The following SH2D4A variants were observed in gnomAD, a reference collection of about 807,000 sequenced individuals.
SH2D4A encodes the protein SH2 domain-containing protein 4A.
A neutral mutation model predicts 64.7 loss-of-function variants in SH2D4A; 70 were observed. That is an observed-to-expected ratio of 1.08 (90% CI 0.89 to 1.32). The LOEUF (loss-of-function observed/expected upper bound fraction) is 1.32. Ranked by LOEUF, SH2D4A falls within the 40% of genes most tolerant of loss-of-function variation. SH2D4A has a pLI of 0.00. For synonymous variants in SH2D4A, 268 were observed against 200.7 expected (o/e 1.34, Z -2.83); for missense variants, 706 against 540.1 (o/e 1.31, Z -3.04).
At position 19,390,853 on chromosome 8, in the gene SH2D4A, C is replaced by T. The variant is rs1010460900; in HGVS notation, c.1049-2465C>T. Among the ~76,000 whole-genome samples, 3 of 152,142 alleles carry T rather than the reference C, an allele frequency of 2.0e-5. No homozygotes were observed. The East Asian group carries it at 5.8e-4, about 29-fold the overall frequency. On this transcript the variant is annotated intron_variant, in intron 8 of 9. Transcript: ENST00000265807. ...AAAGTTTCAGTTACAGTCACTACGA[C>T]CTCATTTTAAAAGGAATTTGACCTT...
intron 1 of SH2D4A, among the ~76,000 whole-genome samples, chr8:19,316,766 A>G (rs1401658112): frequency 6.6e-6 from 1 of 152,224 alleles, no homozygotes; most frequent in Non-Finnish European, 1.5e-5. Context: ...GTTGTGTATT[A>G]CAGTGAAGCT....
At chr8:19,339,835 G>A (rs1290768993) in intron 4 of SH2D4A, among the ~76,000 whole-genome samples, 1 of 152,068 alleles carries the variant, frequency 6.6e-6, no homozygotes, top group African/African-American at 2.4e-5. Flanking sequence ...TGTATCGACA[G>A]TGAGGAGAGG....
intron 2 of SH2D4A, among the ~76,000 whole-genome samples, chr8:19,330,166 G>A (rs1370373126): frequency 6.6e-6 from 1 of 152,044 alleles, no homozygotes; most frequent in African/African-American, 2.4e-5. Context: ...GAACTACTAC[G>A]AAGGCCTTGA....
intron 7 of SH2D4A, among the ~76,000 whole-genome samples, chr8:19,371,993 A>G (rs757298178): frequency 1.4e-4 from 22 of 152,152 alleles, no homozygotes; most frequent in Non-Finnish European, 1.8e-4. Context: ...GAATTGTTTC[A>G]GAGATCACAC....
intron 6 of SH2D4A, among the ~76,000 whole-genome samples, chr8:19,362,631 T>A (rs2052910550): frequency 6.6e-6 from 1 of 151,938 alleles, no homozygotes; most frequent in African/African-American, 2.4e-5. Flanking sequence ...TCCCAGCTAC[T>A]CAGGAGGCTG....
rs534846113 is a variant in SH2D4A at position 19,385,658 on chromosome 8, T to C, written c.1049-7660T>C. Reference sequence around the variant, plus strand: ...GTCCCACTCCTCCCAACTTCCCTTCTTCTACTCCTGACAGTTTGTCATACA... The same window carrying C: ...GTCCCACTCCTCCCAACTTCCCTTCCTCTACTCCTGACAGTTTGTCATACA... On this transcript the variant is annotated intron_variant, in intron 8 of 9. Transcript: ENST00000265807. Among the ~76,000 whole-genome samples, 3 of 152,292 alleles carry C rather than the reference T, an allele frequency of 2.0e-5. No homozygotes were observed. The East Asian group carries it at 5.8e-4, about 29-fold the overall frequency.
rs759692158 is a variant in SH2D4A at position 19,334,724 on chromosome 8, C to G, written c.380C>G (p.Thr127Arg). ...HSEEFTNSLK[T>R]KSQYHDLQAP... ...GAAGAATTCACCAATAGCTTGAAAACAAAATCACAGTACCATGATCTGCAG... is the reference window on the plus strand; with the variant it reads ...GAAGAATTCACCAATAGCTTGAAAAGAAAATCACAGTACCATGATCTGCAG... The change falls in exon 4 of 10, where the codon ACA becomes AGA. Residue 127 changes from threonine (T) to arginine (R), a missense_variant. Transcript: ENST00000265807. The G allele has an allele frequency of 1.9e-6, 3 of 1,609,330 alleles. No homozygotes were observed. The highest frequency in any genetic ancestry group is 3.4e-5 in the Admixed American group (2 of 58,566).
chr8:19,379,390 G>A (rs2053251858), intron 8 of SH2D4A, among the ~76,000 whole-genome samples: 1 of 152,148 alleles, frequency 6.6e-6, no homozygotes. Flanking sequence ...TTCTATGGAT[G>A]GGCCACAGTT....
intron 4 of SH2D4A, among the ~76,000 whole-genome samples, chr8:19,342,619 G>C (rs1176273216): frequency 6.6e-6 from 1 of 152,158 alleles, no homozygotes; most frequent in Non-Finnish European, 1.5e-5. Context: ...TTCCGAGTGG[G>C]GGGATCCTGT....
At chr8:19,326,125 A>C (rs2052275317) in intron 2 of SH2D4A, among the ~76,000 whole-genome samples, 1 of 152,216 alleles carries the variant, frequency 6.6e-6, no homozygotes. Context: ...CTCATGCAGA[A>C]CGGTTTTGAA....
chr8:19,325,593 C>T (rs1333068677), intron 2 of SH2D4A, among the ~76,000 whole-genome samples: 1 of 152,160 alleles, frequency 6.6e-6, no homozygotes, highest in Non-Finnish European at 1.5e-5. Context: ...CTTCCTTGAG[C>T]CATGGGCTTC....
chr8:19,359,135 C>T (rs775864737), intron 5 of SH2D4A, among the ~76,000 whole-genome samples: 5 of 152,136 alleles, frequency 3.3e-5, no homozygotes, highest in South Asian at 4.1e-4. Flanking sequence ...AAGTTCCTTA[C>T]GTTTTCTAGC....
chr8:19,317,833 C>T (rs1016018565), intron 1 of SH2D4A, among the ~76,000 whole-genome samples: 10 of 152,032 alleles, frequency 6.6e-5, no homozygotes, highest in African/African-American at 2.2e-4. Flanking sequence ...TATTTGAGAG[C>T]ACATGGCAAG....
intron 8 of SH2D4A, among the ~76,000 whole-genome samples, chr8:19,388,674 A>T (rs2053430889): frequency 6.6e-6 from 1 of 152,234 alleles, no homozygotes; most frequent in African/African-American, 2.4e-5. Context: ...ACCTCGTGGC[A>T]CTTCAAAGAA....
chr8:19,362,760 CA>C (rs1018638948), intron 6 of SH2D4A, among the ~76,000 whole-genome samples: 2 of 151,224 alleles, frequency 1.3e-5, no homozygotes, highest in Non-Finnish European at 3.0e-5. Flanking sequence ...CAAAACAAAA[CA>C]AAAAAAACAC....
chr8:19,359,187 G>C (rs1326257092), intron 5 of SH2D4A, among the ~76,000 whole-genome samples: 1 of 152,078 alleles, frequency 6.6e-6, no homozygotes, highest in Non-Finnish European at 1.5e-5. Flanking sequence ...ATATAGATGG[G>C]TAATAGCAGA....
Position 19,319,664 on chromosome 8 carries a change from G to A in SH2D4A, c.117G>A (p.Trp39Ter), listed in dbSNP as rs199901584. 1.5e-4 allele frequency: 237 copies of A among 1,610,688 alleles called. No individual in the cohort carries two copies. The highest frequency in any genetic ancestry group is 1.9e-4 in the Non-Finnish European group (225 of 1,178,880). ...TGAGAGAGGAACAGATCCGACGATG[G>A]AAAGAAAGAGAAGCAGCTATGGAAA... Reference protein sequence around the residue: ...FKMREEQIRRWKEREAAMERK... With the variant: ...FKMREEQIRR Residue 39 changes from tryptophan (W) to a stop codon, truncating the protein, a stop_gained, in exon 2 of 10, where the codon TGG (tryptophan) becomes TGA (stop). Transcript: ENST00000265807. LOFTEE classifies it high-confidence loss of function.
chr8:19,367,037 C>T (rs976532630), intron 7 of SH2D4A, among the ~76,000 whole-genome samples: 1 of 152,132 alleles, frequency 6.6e-6, no homozygotes, highest in Non-Finnish European at 1.5e-5. Context: ...GAGAGTTCTC[C>T]TTTCTCCAGA....
intron 2 of SH2D4A, among the ~76,000 whole-genome samples, chr8:19,325,881 G>A (rs2052270622): frequency 6.6e-6 from 1 of 152,202 alleles, no homozygotes; most frequent in Non-Finnish European, 1.5e-5. Context: ...TGATAGAAAT[G>A]GGCCTTGGCC....
Sources: allele counts gnomAD v4.1 joint callset (sites outside exome capture counted in the v4.1 genomes callset), GRCh38; gene constraint gnomAD v4.1.1; transcripts MANE v1.5; gene names NCBI Gene and HGNC (gene_info 2026-07-23, HGNC 2026-07-21).